CRACD: variants seen among roughly 807,000 people sequenced by gnomAD.
CRACD encodes capping protein-inhibiting regulator of actin dynamics.
Under a neutral mutation model 106.8 loss-of-function variants are expected in CRACD, and 56 were observed. The observed-to-expected ratio is 0.52, with a 90% CI of 0.42 to 0.66. The LOEUF is 0.66. CRACD is among the 30% of genes least tolerant of loss of function. The pLI is 0.00. For synonymous variants in CRACD, 754 were observed against 670.8 expected, an observed-to-expected ratio of 1.12 and a Z score of -1.92; for missense variants, 1,730 against 1,623.2, an observed-to-expected ratio of 1.07 and a Z score of -1.13.
chr4:56,290,109 C>T (rs1000778966), intron 3 of CRACD, among the ~76,000 whole-genome samples: 24 of 152,212 alleles, frequency 1.6e-4, no homozygotes, highest in African/African-American at 5.8e-4. Flanking sequence ...TGAAGAGCAG[C>T]GCTCCAGGCC....
At chr4:56,255,922 A>G (rs999665638) in intron 2 of CRACD, among the ~76,000 whole-genome samples, 4 of 152,226 alleles carry the variant, frequency 2.6e-5, no homozygotes, top group African/African-American at 9.6e-5. Context: ...CAACAGGTCC[A>G]GACTGCTGTT....
intron 1 of CRACD, among the ~76,000 whole-genome samples, chr4:56,156,938 T>C (rs1275809064): frequency 6.6e-6 from 1 of 152,230 alleles, no homozygotes; most frequent in Non-Finnish European, 1.5e-5. Flanking sequence ...AGATTTTTTG[T>C]TGCTGTTTTT....
intron 1 of CRACD, among the ~76,000 whole-genome samples, chr4:56,125,266 G>T (rs992775118): frequency 6.6e-6 from 1 of 151,900 alleles, no homozygotes; most frequent in Non-Finnish European, 1.5e-5. Context: ...AAATTGTATT[G>T]TTTCTTCTAC....
chr4:56,123,902 C>G (rs555896099), intron 1 of CRACD, among the ~76,000 whole-genome samples: 2 of 152,228 alleles, frequency 1.3e-5, no homozygotes, highest in East Asian at 3.9e-4. Context: ...ACTAACCACA[C>G]CTTGTCCATA....
Position 56,268,466 on chromosome 4 carries a change from TA to T in CRACD, c.-188-3847del, listed in dbSNP as rs1041846397. Among the ~76,000 whole-genome samples the T allele has an allele frequency of 2.2e-4, 33 of 152,010 alleles. 1 individual carries two copies. In the South Asian group the frequency reaches 2.7e-3, roughly 12 times the overall value. The stretch of plus-strand genomic sequence containing the variant: ...CAGTGTTGGGTAAAAAAAGCAACTG[TA>T]AAAAAAATTATTTTTAAAAAGATAG... On this transcript the variant is annotated intron_variant, in intron 2 of 10. Transcript: ENST00000682029.
intron 2 of CRACD, among the ~76,000 whole-genome samples, chr4:56,196,686 A>C (rs1469899797): frequency 6.6e-6 from 1 of 152,154 alleles, no homozygotes; most frequent in African/African-American, 2.4e-5. Context: ...TCTTTACTAT[A>C]ATTCTATCAT....
chr4:56,224,148 A>AT (rs56275149), intron 2 of CRACD, among the ~76,000 whole-genome samples: 20,622 of 149,984 alleles, frequency 0.14, 2,292 homozygotes, highest in East Asian at 0.59. Context: ...TTTCTTCGCT[A>AT]TTTTTTTTTA....
chr4:56,227,507 A>T (rs202210519), intron 2 of CRACD, among the ~76,000 whole-genome samples: 2 of 63,966 alleles, frequency 3.1e-5, no homozygotes, highest in Admixed American at 4.6e-4. Context: ...CTCCCTTGCC[A>T]AAAATTACTT....
chr4:56,321,616 G>A (rs1483913478), intron 8 of CRACD, among the ~76,000 whole-genome samples: 1 of 152,224 alleles, frequency 6.6e-6, no homozygotes, highest in Non-Finnish European at 1.5e-5. Flanking sequence ...GGGACCTGGA[G>A]TAAAATACAG....
At chr4:56,079,076 G>A (rs1183127180) in intron 1 of CRACD, among the ~76,000 whole-genome samples, 2 of 152,222 alleles carry the variant, frequency 1.3e-5, no homozygotes, top group Non-Finnish European at 1.5e-5. Flanking sequence ...GAAGTCTGCA[G>A]ACACTTGGCT....
chr4:56,238,861 G>A (rs1351367898), intron 2 of CRACD, among the ~76,000 whole-genome samples: 2 of 152,180 alleles, frequency 1.3e-5, no homozygotes, highest in South Asian at 4.1e-4. Flanking sequence ...TTTGTGAGCT[G>A]CCTGTTTACA....
At chr4:56,200,035 A>AT (rs1577733562) in intron 2 of CRACD, among the ~76,000 whole-genome samples, 1 of 150,884 alleles carries the variant, frequency 6.6e-6, no homozygotes, top group African/African-American at 2.4e-5. Context: ...GAAGTCTATT[A>AT]TTTTTTACCA....
intron 8 of CRACD, among the ~76,000 whole-genome samples, chr4:56,319,330 C>T (rs973733681): frequency 9.2e-5 from 14 of 152,118 alleles, no homozygotes; most frequent in South Asian, 4.1e-4. Flanking sequence ...TTTGGCCAGA[C>T]GTGGTGGCTT....
intron 1 of CRACD, among the ~76,000 whole-genome samples, chr4:56,170,439 C>A (rs1736318473): frequency 6.6e-6 from 1 of 152,058 alleles, no homozygotes; most frequent in Admixed American, 6.6e-5. Flanking sequence ...ATTTTGGATA[C>A]TTTTGGTATA....
In CRACD at chr4:56,328,369, A is replaced by T. The variant is rs748565669; in HGVS notation, c.*565A>T. 1 of 518,942 alleles carries T rather than the reference A, an allele frequency of 1.9e-6. No individual in the cohort carries two copies. The highest frequency in any genetic ancestry group is 3.8e-6 in the Non-Finnish European group (1 of 259,836). The allele number at this position is 518,942 out of a possible 1,614,324, so 32.1% of individuals were successfully genotyped here. On this transcript the variant is annotated 3_prime_UTR_variant, in exon 11 of 11. Transcript: ENST00000682029. ...CCCAACTGTGCCCATCTTAGTTTTC[A>T]TGAGTTTTCCCCACTCTGAAGCTGT... is the stretch of plus-strand genomic sequence containing the variant.
At chr4:56,243,613 T>A (rs918309319) in intron 2 of CRACD, among the ~76,000 whole-genome samples, 3 of 152,330 alleles carry the variant, frequency 2.0e-5, no homozygotes, top group South Asian at 2.1e-4. Context: ...TGGATTTTTT[T>A]AAATGGCTTT....
chr4:56,250,035 G>A (rs1045321695), intron 2 of CRACD, among the ~76,000 whole-genome samples: 5 of 152,096 alleles, frequency 3.3e-5, no homozygotes, highest in African/African-American at 7.2e-5. Flanking sequence ...TTCCATCTTC[G>A]AAGTAAATCT....
At chr4:56,185,291 A>G (rs1220000615) in intron 2 of CRACD, among the ~76,000 whole-genome samples, 2 of 152,056 alleles carry the variant, frequency 1.3e-5, no homozygotes, top group African/African-American at 4.8e-5. Context: ...ACTGTTTTGC[A>G]CCCGTCACCT....
At chr4:56,258,541 G>A (rs1741506111) in intron 2 of CRACD, among the ~76,000 whole-genome samples, 1 of 152,138 alleles carries the variant, frequency 6.6e-6, no homozygotes, top group South Asian at 2.1e-4. Context: ...AGTTCCCTAT[G>A]TCTAGTTGAC....
Sources: gnomAD v4.1 joint callset for allele counts (sites outside exome capture counted in the v4.1 genomes callset) on GRCh38, gnomAD v4.1.1 for gene constraint, MANE v1.5 for transcripts, NCBI Gene and HGNC (gene_info 2026-07-23, HGNC 2026-07-21) for gene names.